The following LONRF3 variants were observed in gnomAD, a reference collection of about 807,000 sequenced individuals.
The protein encoded by LONRF3 is LON peptidase N-terminal domain and RING finger protein 3.
LONRF3 carries 19 observed loss-of-function variants against 51.7 expected under a neutral mutation model. The ratio of observed to expected loss-of-function variants is 0.37; its 90% CI spans 0.26 to 0.54. The LOEUF is 0.54. Ranked by LOEUF, LONRF3 falls within the 20% of genes least tolerant of loss-of-function variation. LONRF3 has a pLI of 0.86. For missense variants in LONRF3, 521 were observed against 623.9 expected, an observed-to-expected ratio of 0.84 and a Z score of 1.76; for synonymous variants, 265 against 257.8, an observed-to-expected ratio of 1.03 and a Z score of -0.27.
intron 10 of LONRF3, among the ~76,000 whole-genome samples, chrX:119,016,549 G>A (rs1370455312): frequency 1.8e-5 from 2 of 110,598 alleles, no homozygotes; most frequent in Non-Finnish European, 3.8e-5. Flanking sequence ...GGGTTTCGTC[G>A]TGTTAGCCAG....
At chrX:118,977,403 C>A (rs1922170834) in intron 1 of LONRF3, among the ~76,000 whole-genome samples, 1 of 112,249 alleles carries the variant, frequency 8.9e-6, no homozygotes, top group African/African-American at 3.2e-5. Context: ...CTTTGTTAAT[C>A]CCCTCAGAGA....
chrX:118,998,673 T>C (rs1924047654), intron 5 of LONRF3, among the ~76,000 whole-genome samples: 1 of 112,428 alleles, frequency 8.9e-6, no homozygotes, highest in Admixed American at 9.3e-5. Flanking sequence ...CAAAAGTCTT[T>C]TTATTTATTT....
intron 3 of LONRF3, 85 bp downstream of exon 3, chrX:118,983,028 C>T (rs998504896): frequency 9.4e-7 from 1 of 1,065,648 alleles, no homozygotes; most frequent in Admixed American, 2.6e-5. Context: ...GGGTGCTGTC[C>T]TCCTTGGCAT....
chrX:118,975,542 C>T lies in LONRF3; in HGVS notation c.762C>T (p.Tyr254=). 8.3e-7 allele frequency: 1 copy of T among 1,200,153 alleles called. No individual in the cohort carries two copies. ...TCCGGCACGAGGGCAACCGACTGTA[C>T]CGCGAGCGCCAGGTGGAGGCGGCAC... ...SQLRHEGNRL[Y]RERQVEAALL... Residue 254 remains tyrosine, a synonymous_variant, in exon 1 of 11, where the codon TAC becomes TAT. Transcript: ENST00000371628.
chrX:119,005,507 A>G (rs977567972), intron 5 of LONRF3, among the ~76,000 whole-genome samples: 6 of 111,970 alleles, frequency 5.4e-5, no homozygotes, highest in Non-Finnish European at 7.5e-5. Context: ...TATCTAGTCT[A>G]TATCAGTAAG....
At chrX:118,986,051 A>AAC (rs35356301) in intron 3 of LONRF3, among the ~76,000 whole-genome samples, 944 of 83,821 alleles carry the variant, frequency 0.011, 7 homozygotes, top group African/African-American at 0.018. Context: ...AGTATATGGA[A>AAC]ACACACACAC....
At chrX:119,010,542 C>G (rs1925031216) in intron 7 of LONRF3, among the ~76,000 whole-genome samples, 1 of 110,060 alleles carries the variant, frequency 9.1e-6, no homozygotes, top group African/African-American at 3.3e-5. Context: ...ATCTTTATTT[C>G]TGATCTGTAA....
At chrX:119,015,729 T>C (rs1158642801) in intron 10 of LONRF3, among the ~76,000 whole-genome samples, 2 of 112,226 alleles carry the variant, frequency 1.8e-5, no homozygotes, top group African/African-American at 6.5e-5. Flanking sequence ...ACAGAGAAAG[T>C]TGAAATCTTG....
chrX:118,991,972 G>A (rs1380780192), intron 5 of LONRF3, among the ~76,000 whole-genome samples: 1 of 112,128 alleles, frequency 8.9e-6, no homozygotes, highest in African/African-American at 3.2e-5. Flanking sequence ...TCTCGAAGTT[G>A]TATGTTAAAG....
At chrX:118,996,977 T>C (rs1368083962) in intron 5 of LONRF3, among the ~76,000 whole-genome samples, 3 of 101,089 alleles carry the variant, frequency 3.0e-5, no homozygotes, top group African/African-American at 7.3e-5. Context: ...CTGAAAGAAA[T>C]TGGAGACAAC....
chrX:119,014,344 C>T lies in LONRF3; in HGVS notation c.2112C>T (p.Asp704=), dbSNP rs373956047. 1 of 1,208,559 alleles carries T rather than the reference C, an allele frequency of 8.3e-7. No individual in the cohort carries two copies. The highest frequency in any genetic ancestry group is 2.3e-4 in the Middle Eastern group (1 of 4,336). Residue 704 remains aspartate, a synonymous_variant, in exon 10 of 11, where the codon GAC becomes GAT. Coordinates refer to ENST00000371628, the MANE Select transcript of LONRF3 (RefSeq NM_001031855.3). ...LNHFGPMPEK[D]ADPQMNPNGP... is the part of the protein sequence containing the mutation. Reference sequence around the variant, plus strand: ...ACTTTGGTCCCATGCCGGAGAAAGACGCCGATCCTCAGGTATAGAAAAATG... The same window carrying T: ...ACTTTGGTCCCATGCCGGAGAAAGATGCCGATCCTCAGGTATAGAAAAATG...
At position 118,975,445 on chromosome X, in the gene LONRF3, C is replaced by T. The variant is rs1285557645; in HGVS notation, c.665C>T (p.Pro222Leu). The part of the protein sequence containing the change: ...ARRAGQQPPP[P>L]LRVNVVLSGL... ...CGGGCTGGGCAGCAGCCGCCGCCGC[C>T]GCTGCGAGTCAACGTGGTGCTCAGC... The change falls in exon 1 of 11, where the codon CCG becomes CTG. Residue 222 changes from proline (P) to leucine (L), a missense_variant. Around this residue, in one of 2 missense-constraint regions of LONRF3, gnomAD observed 376 missense variants for 376.7 expected, o/e 1.00. Transcript: ENST00000371628. 1 of 1,186,890 alleles carries T rather than the reference C, an allele frequency of 8.4e-7. No individual in the cohort carries two copies. Among genetic ancestry groups the T allele is most frequent in the Admixed American group, 2.4e-5 (1 of 42,528 alleles).
chrX:118,988,352 G>C (rs1197641199), intron 3 of LONRF3, among the ~76,000 whole-genome samples: 1 of 111,856 alleles, frequency 8.9e-6, no homozygotes, highest in African/African-American at 3.3e-5. Context: ...GCTTTCCAAT[G>C]TCAACCAGCT....
At chrX:118,987,332 C>T (rs1206390677) in intron 3 of LONRF3, among the ~76,000 whole-genome samples, 1 of 109,235 alleles carries the variant, frequency 9.2e-6, no homozygotes, top group Non-Finnish European at 1.9e-5. Flanking sequence ...GGCTGGAGGG[C>T]AGTGATATGA....
At chrX:118,987,007 A>T (rs778475284) in intron 3 of LONRF3, 101 of 1,148,015 alleles carry the variant, frequency 8.8e-5, no homozygotes, top group Non-Finnish European at 1.1e-4. Flanking sequence ...TTGGCACCTC[A>T]CCCTAGATTA....
chrX:118,989,328 C>T (rs1306433812), intron 3 of LONRF3, 80 bp from the exon 4 acceptor site: 31 of 1,104,200 alleles, frequency 2.8e-5, no homozygotes, highest in Non-Finnish European at 3.5e-5. Context: ...TATAGTTTCC[C>T]TTTGTTCCTC....
In LONRF3 at chrX:119,010,155, CGCTTTCT is replaced by C. The variant is rs200857315; in HGVS notation, c.1652+909_1652+915del. 5.1e-3 allele frequency among the ~76,000 whole-genome samples: 565 copies of C among 111,790 alleles called. 1 individual carries two copies. The highest frequency in any genetic ancestry group is 0.017 in the African/African-American group (532 of 30,761). ...GGTAATAATACTAATACTTGTCAAG[CGCTTTCT>C]CTGCCGTGCACAGGTAATGTGAGAG... On this transcript the variant is annotated intron_variant, in intron 7 of 10. Coordinates refer to ENST00000371628, the MANE Select transcript of LONRF3 (RefSeq NM_001031855.3).
chrX:118,983,421 T>C (rs978386433), intron 3 of LONRF3, among the ~76,000 whole-genome samples: 1 of 111,999 alleles, frequency 8.9e-6, no homozygotes, highest in Non-Finnish European at 1.9e-5. Context: ...CCTATCACCA[T>C]ACACAGAACT....
chrX:118,979,158 A>G (rs753186661), intron 2 of LONRF3, among the ~76,000 whole-genome samples: 4 of 105,905 alleles, frequency 3.8e-5, no homozygotes, highest in South Asian at 4.2e-4. Flanking sequence ...CCGCCACCAC[A>G]CCTGGCTAAT....
Sources: gnomAD v4.1 joint callset for allele counts (sites outside exome capture counted in the v4.1 genomes callset) on GRCh38, gnomAD v4.1.1 for gene constraint, gnomAD v4.1.1 regional missense constraint, MANE v1.5 for transcripts, NCBI Gene and HGNC (gene_info 2026-07-23, HGNC 2026-07-21) for gene names.